DDC: variants seen among roughly 807,000 people sequenced by gnomAD.
DDC encodes the protein aromatic-L-amino-acid decarboxylase.
A neutral mutation model predicts 60.0 loss-of-function variants in DDC; 43 were observed. The ratio of observed to expected loss-of-function variants is 0.72; its 90% CI spans 0.56 to 0.92. The LOEUF (loss-of-function observed/expected upper bound fraction) is 0.92, where lower values mean the gene tolerates loss of function less well. Ranked by LOEUF, DDC falls within the 40% of genes least tolerant of loss-of-function variation. The pLI is 0.00. For missense variants in DDC, 573 were observed against 620.2 expected, an observed-to-expected ratio of 0.92 and a Z score of 0.81; for synonymous variants, 232 against 234.6, an observed-to-expected ratio of 0.99 and a Z score of 0.10.
chr7:50,494,545 C>T (rs1338985637), intron 9 of DDC, among the ~76,000 whole-genome samples: 2 of 150,258 alleles, frequency 1.3e-5, no homozygotes, highest in Admixed American at 6.7e-5. Flanking sequence ...GAGCCAAGAT[C>T]GCACCACTGC....
chr7:50,518,348 A>G (rs1331074514), intron 6 of DDC, among the ~76,000 whole-genome samples: 1 of 152,188 alleles, frequency 6.6e-6, no homozygotes, highest in Non-Finnish European at 1.5e-5. Flanking sequence ...ATCCCCATCA[A>G]AATACCACCA....
chr7:50,501,414 T>C (rs1279017351), intron 7 of DDC, among the ~76,000 whole-genome samples: 1 of 152,178 alleles, frequency 6.6e-6, no homozygotes, highest in Non-Finnish European at 1.5e-5. Context: ...ATCTTCTCAG[T>C]AAAACCTGCC....
intron 12 of DDC, among the ~76,000 whole-genome samples, chr7:50,468,625 G>C (rs2042454693): frequency 6.6e-6 from 1 of 152,206 alleles, no homozygotes; most frequent in Admixed American, 6.5e-5. Context: ...TATGAAGCTT[G>C]CAGATGGATG....
intron 6 of DDC, among the ~76,000 whole-genome samples, chr7:50,518,698 G>A (rs2043806886): frequency 6.6e-6 from 1 of 152,216 alleles, no homozygotes; most frequent in South Asian, 2.1e-4. Flanking sequence ...GTAGGAGAAT[G>A]AAACCGCATC....
At chr7:50,462,226 C>CAAAAAAAAAAAAAAAAAAAA (rs11410259) in intron 14 of DDC, among the ~76,000 whole-genome samples, 47 of 75,344 alleles carry the variant, frequency 6.2e-4, no homozygotes, top group Non-Finnish European at 7.9e-4. Flanking sequence ...GACAAAAAGA[C>CAAAAAAAAAAAAAAAAAAAA]AAAAAAAAAA....
At chr7:50,497,452 A>G (rs2043150913) in intron 8 of DDC, among the ~76,000 whole-genome samples, 1 of 152,236 alleles carries the variant, frequency 6.6e-6, no homozygotes, top group Non-Finnish European at 1.5e-5. Context: ...AGAAAAGAGC[A>G]TCAAGCTCAG....
intron 6 of DDC, among the ~76,000 whole-genome samples, chr7:50,526,788 A>T (rs145545617): frequency 3.9e-4 from 59 of 152,352 alleles, no homozygotes; most frequent in African/African-American, 1.4e-3. Context: ...TATATCATGC[A>T]AACATTAGCC....
At chr7:50,470,040 T>G (rs760959011) in intron 12 of DDC, 33 bp downstream of exon 12, 1 of 1,404,280 alleles carries the variant, frequency 7.1e-7, no homozygotes, top group Non-Finnish European at 1.0e-6. Flanking sequence ...ACCTCCGCAA[T>G]TTTACCGTGA....
At chr7:50,511,945 T>C (rs2153542240) in intron 6 of DDC, among the ~76,000 whole-genome samples, 1 of 152,182 alleles carries the variant, frequency 6.6e-6, no homozygotes, top group African/African-American at 2.4e-5. Context: ...ATGGTCTAAA[T>C]GCACTAATTG....
chr7:50,540,111 TC>T, intron 2 of DDC, 83 bp from the exon 3 acceptor site: 1 of 1,069,176 alleles, frequency 9.4e-7, no homozygotes, highest in Non-Finnish European at 1.4e-6. Context: ...CCCCCATGGC[TC>T]CCAGCTGCCA....
At chr7:50,554,396 A>G (rs2045112080) in intron 1 of DDC, among the ~76,000 whole-genome samples, 1 of 148,276 alleles carries the variant, frequency 6.7e-6, no homozygotes, top group Non-Finnish European at 1.5e-5. Flanking sequence ...AAAGTCTATT[A>G]ATTTTCTTTA....
intron 6 of DDC, among the ~76,000 whole-genome samples, chr7:50,511,180 A>T (rs1563015994): frequency 6.6e-6 from 1 of 151,390 alleles, no homozygotes; most frequent in Non-Finnish European, 1.5e-5. Flanking sequence ...ATATATGTGA[A>T]TTCCTATTAA....
intron 6 of DDC, among the ~76,000 whole-genome samples, chr7:50,522,795 G>T (rs1270110717): frequency 6.6e-6 from 1 of 152,168 alleles, no homozygotes; most frequent in Non-Finnish European, 1.5e-5. Flanking sequence ...AGGAACTATT[G>T]GTTCATAGTT....
At chr7:50,551,054 A>C (rs1182042300) in intron 1 of DDC, among the ~76,000 whole-genome samples, 1 of 152,160 alleles carries the variant, frequency 6.6e-6, no homozygotes, top group Non-Finnish European at 1.5e-5. Context: ...AAAGGAGAAC[A>C]CTTATTTTAT....
intron 14 of DDC, among the ~76,000 whole-genome samples, chr7:50,461,057 AT>A (rs1208015688): frequency 9.3e-5 from 14 of 149,894 alleles, no homozygotes; most frequent in Non-Finnish European, 1.6e-4. Context: ...AAAAAAAAAA[AT>A]AAATAAATAA....
intron 6 of DDC, among the ~76,000 whole-genome samples, chr7:50,517,836 A>AC (rs2043774539): frequency 6.6e-6 from 1 of 151,510 alleles, no homozygotes; most frequent in African/African-American, 2.4e-5. Context: ...AAAAAAAAAA[A>AC]AAAAAAAAAA....
At chr7:50,479,599 C>T (rs569463992) in intron 10 of DDC, among the ~76,000 whole-genome samples, 188 bp downstream of exon 10, 2 of 152,230 alleles carry the variant, frequency 1.3e-5, no homozygotes, top group South Asian at 2.1e-4. Flanking sequence ...GGGAGCCTCC[C>T]CAAGCCTCTT....
chr7:50,558,182 C>A (rs769348180), intron 1 of DDC, among the ~76,000 whole-genome samples: 1 of 151,804 alleles, frequency 6.6e-6, no homozygotes, highest in Non-Finnish European at 1.5e-5. Flanking sequence ...TCTGCCTTTG[C>A]TATTGGCTTG....
chr7:50,514,874 G>T (rs574262651), intron 6 of DDC, among the ~76,000 whole-genome samples: 70 of 152,110 alleles, frequency 4.6e-4, no homozygotes, highest in Non-Finnish European at 8.1e-4. Flanking sequence ...CAAAGATAAA[G>T]AAAAAAGAAT....
Sources: allele counts gnomAD v4.1 joint callset (sites outside exome capture counted in the v4.1 genomes callset), GRCh38; gene constraint gnomAD v4.1.1; transcripts MANE v1.5; gene names NCBI Gene and HGNC (gene_info 2026-07-23, HGNC 2026-07-21).